Variants in ACYP2 observed in about 807,000 individuals in gnomAD.
ACYP2 encodes acylphosphatase-2.
A neutral mutation model predicts 11.2 loss-of-function variants in ACYP2; 12 were observed. That is an observed-to-expected ratio of 1.08 (90% CI 0.69 to 1.74). ACYP2 has a LOEUF of 1.74. Ranked by LOEUF, ACYP2 falls within the 40% of genes most tolerant of loss-of-function variation. The pLI is 0.00. For missense variants in ACYP2, 134 were observed against 101.9 expected, an observed-to-expected ratio of 1.31 and a Z score of -1.35; for synonymous variants, 43 against 32.2, an observed-to-expected ratio of 1.33 and a Z score of -1.13.
At chr2:54,010,230 T>C (rs2104535688) in intron 2 of ACYP2, among the ~76,000 whole-genome samples, 1 of 152,222 alleles carries the variant, frequency 6.6e-6, no homozygotes, top group East Asian at 1.9e-4. Flanking sequence ...ACACCTGTAA[T>C]CCCAGCACTT....
intron 4 of ACYP2, among the ~76,000 whole-genome samples, chr2:54,073,278 G>C (rs1464422175): frequency 6.6e-6 from 1 of 152,016 alleles, no homozygotes; most frequent in Non-Finnish European, 1.5e-5. Flanking sequence ...TGTAGTCCCA[G>C]CTACTTGGGA....
chr2:54,178,086 GC>G (rs1336063265), intron 6 of ACYP2, among the ~76,000 whole-genome samples: 1 of 147,606 alleles, frequency 6.8e-6, no homozygotes, highest in African/African-American at 2.5e-5. Context: ...TTATATTTTT[GC>G]TAGAGACATG....
chr2:54,128,284 G>A (rs1680663923), intron 4 of ACYP2, among the ~76,000 whole-genome samples: 1 of 152,168 alleles, frequency 6.6e-6, no homozygotes, highest in South Asian at 2.1e-4. Context: ...ATCAAGAATA[G>A]TTCATCATTT....
At chr2:54,113,009 T>C (rs1005533477) in intron 4 of ACYP2, among the ~76,000 whole-genome samples, 7 of 150,628 alleles carry the variant, frequency 4.6e-5, no homozygotes, top group Non-Finnish European at 3.0e-5. Context: ...GAAGCTATGC[T>C]ATAGTTGTCC....
chr2:54,248,057 TTAAC>T (rs1466643220), intron 6 of ACYP2, among the ~76,000 whole-genome samples: 345 of 152,300 alleles, frequency 2.3e-3, no homozygotes, highest in African/African-American at 8.1e-3. Context: ...CCTGTTGTTT[TTAAC>T]TTTTATTAAC....
At chr2:54,009,359 G>A (rs575989133) in intron 2 of ACYP2, among the ~76,000 whole-genome samples, 59 of 152,112 alleles carry the variant, frequency 3.9e-4, no homozygotes, top group African/African-American at 1.4e-3. Context: ...AGGAGTTTGA[G>A]CCCAGCCTGG....
At chr2:54,239,689 A>G (rs1032877995) in intron 6 of ACYP2, among the ~76,000 whole-genome samples, 3 of 152,200 alleles carry the variant, frequency 2.0e-5, no homozygotes, top group African/African-American at 7.2e-5. Context: ...TATAAAGGGC[A>G]CAGCATCATC....
Position 54,224,031 on chromosome 2 carries a change from G to A in ACYP2, c.405-80657G>A, listed in dbSNP as rs1685903278. ...TGAAAATGGGGTGTCTCAAGATTCT[G>A]TACCGGGACATTGGGGTTAGGCTTC... On this transcript the variant is annotated intron_variant, in intron 6 of 6. Transcript: ENST00000607452. Among the ~76,000 whole-genome samples, 5 of 152,192 alleles carry A rather than the reference G, an allele frequency of 3.3e-5. No individual in the cohort carries two copies. In the South Asian group the frequency reaches 1.0e-3, roughly 32 times the overall value.
intron 6 of ACYP2, among the ~76,000 whole-genome samples, chr2:54,159,012 A>C (rs76667506): frequency 0.023 from 3,565 of 152,186 alleles, 126 homozygotes; most frequent in African/African-American, 0.076. Context: ...GTAACTCTCT[A>C]TATATACATA....
intron 4 of ACYP2, among the ~76,000 whole-genome samples, chr2:54,070,076 G>A (rs998067657): frequency 4.0e-5 from 6 of 151,808 alleles, no homozygotes; most frequent in Non-Finnish European, 5.9e-5. Context: ...TTCAAGACCA[G>A]CCTGACCAAC....
intron 6 of ACYP2, among the ~76,000 whole-genome samples, chr2:54,245,706 T>A: frequency 7.0e-6 from 1 of 142,976 alleles, no homozygotes; most frequent in South Asian, 2.5e-4. Flanking sequence ...CATTTTTTAA[T>A]CAGATTTTTT....
At chr2:53,985,354 G>T (rs555178425) in intron 2 of ACYP2, among the ~76,000 whole-genome samples, 2 of 151,968 alleles carry the variant, frequency 1.3e-5, no homozygotes, top group Non-Finnish European at 2.9e-5. Flanking sequence ...GGTGTGAGCC[G>T]CTGCACCTGG....
intron 6 of ACYP2, among the ~76,000 whole-genome samples, chr2:54,171,700 G>C (rs60558096): frequency 0.18 from 27,955 of 151,636 alleles, 2,713 homozygotes; most frequent in East Asian, 0.42. Context: ...TAAAAATTTT[G>C]AACTGGAAAT....
intron 4 of ACYP2, among the ~76,000 whole-genome samples, chr2:54,110,414 C>T (rs752120357): frequency 5.9e-5 from 9 of 152,112 alleles, no homozygotes; most frequent in Non-Finnish European, 1.0e-4. Context: ...TAGTAGTCAG[C>T]CTACATTCAA....
At chr2:54,147,138 T>C (rs1681934386) in intron 6 of ACYP2, among the ~76,000 whole-genome samples, 1 of 152,172 alleles carries the variant, frequency 6.6e-6, no homozygotes, top group East Asian at 1.9e-4. Context: ...ACTTTTCTTT[T>C]CTTTCTCTTC....
intron 2 of ACYP2, among the ~76,000 whole-genome samples, chr2:54,021,138 C>G (rs1673988435): frequency 6.6e-6 from 1 of 152,094 alleles, no homozygotes; most frequent in East Asian, 1.9e-4. Flanking sequence ...TTCTGATTGG[C>G]TGTTTTAAGG....
intron 6 of ACYP2, among the ~76,000 whole-genome samples, chr2:54,209,618 C>T (rs904107935): frequency 6.6e-6 from 1 of 152,164 alleles, no homozygotes; most frequent in Non-Finnish European, 1.5e-5. Flanking sequence ...TCAGTTGTAA[C>T]AGGTGTTGGC....
intron 4 of ACYP2, among the ~76,000 whole-genome samples, chr2:54,109,339 T>TGA (rs1432679785): frequency 1.3e-5 from 2 of 151,944 alleles, no homozygotes. Context: ...ATGTTCTCAC[T>TGA]GATAAGTGGA....
At chr2:54,146,724 GT>G (rs1681911008) in intron 6 of ACYP2, among the ~76,000 whole-genome samples, 1 of 150,228 alleles carries the variant, frequency 6.7e-6, no homozygotes, top group Admixed American at 6.6e-5. Flanking sequence ...TCTTGTTGTT[GT>G]TTTCCCCAAA....
Sources: gnomAD v4.1 joint callset for allele counts (sites outside exome capture counted in the v4.1 genomes callset) on GRCh38, gnomAD v4.1.1 for gene constraint, MANE v1.5 for transcripts, NCBI Gene and HGNC (gene_info 2026-07-23, HGNC 2026-07-21) for gene names.